Variants in IMMP2L observed in about 807,000 individuals in gnomAD.
IMMP2L encodes the protein inner mitochondrial membrane peptidase subunit 2.
In IMMP2L, 18 loss-of-function variants were observed where a neutral mutation model predicts 19.3. The observed-to-expected ratio is 0.93, with a 90% CI of 0.64 to 1.38. The LOEUF (loss-of-function observed/expected upper bound fraction) is 1.38. Among genes scored for constraint, IMMP2L ranks in the 40% most tolerant of loss-of-function variants. The pLI is 0.00. For missense variants in IMMP2L, 233 were observed against 218.2 expected, an observed-to-expected ratio of 1.07 and a Z score of -0.43; for synonymous variants, 76 against 73.0, an observed-to-expected ratio of 1.04 and a Z score of -0.21.
intron 2 of IMMP2L, among the ~76,000 whole-genome samples, chr7:111,506,533 GA>G (rs1844923427): frequency 6.6e-6 from 1 of 152,152 alleles, no homozygotes; most frequent in African/African-American, 2.4e-5. Context: ...GAGTAGCTGG[GA>G]CTACAGGCAC....
intron 5 of IMMP2L, among the ~76,000 whole-genome samples, chr7:110,823,313 AT>A (rs1803198246): frequency 1.3e-5 from 2 of 152,038 alleles, no homozygotes; most frequent in South Asian, 4.1e-4. Flanking sequence ...TATTATAAAA[AT>A]ATAGTTGCAT....
At chr7:111,509,633 T>C (rs1671605234) in intron 2 of IMMP2L, among the ~76,000 whole-genome samples, 1 of 152,098 alleles carries the variant, frequency 6.6e-6, no homozygotes, top group African/African-American at 2.4e-5. Context: ...ACAATTTAAG[T>C]ATTGTTACAT....
intron 4 of IMMP2L, among the ~76,000 whole-genome samples, chr7:110,887,485 C>T (rs903978718): frequency 6.6e-5 from 10 of 151,346 alleles, no homozygotes; most frequent in Non-Finnish European, 1.0e-4. Context: ...ATGTTTATGC[C>T]TCTTGACTTA....
intron 5 of IMMP2L, among the ~76,000 whole-genome samples, chr7:110,867,428 A>G (rs575130878): frequency 4.3e-4 from 65 of 152,064 alleles, no homozygotes; most frequent in Admixed American, 2.8e-3. Context: ...TTCAGTGCAT[A>G]GCAGTGAGAA....
intron 4 of IMMP2L, among the ~76,000 whole-genome samples, chr7:110,888,794 GGTTT>G (rs1466056701): frequency 1.3e-4 from 19 of 151,882 alleles, no homozygotes; most frequent in Non-Finnish European, 2.1e-4. Flanking sequence ...TACATTTATG[GGTTT>G]GTTTGTTTAT....
chr7:111,300,617 C>T (rs964472103), intron 3 of IMMP2L, among the ~76,000 whole-genome samples: 5 of 152,028 alleles, frequency 3.3e-5, no homozygotes, highest in African/African-American at 7.2e-5. Context: ...AAACTCCTTC[C>T]GCACCCATCC....
chr7:111,369,198 T>C (rs1830059536), intron 3 of IMMP2L, among the ~76,000 whole-genome samples: 1 of 151,930 alleles, frequency 6.6e-6, no homozygotes, highest in South Asian at 2.1e-4. Flanking sequence ...ATTACATATC[T>C]TAGAAGATTT....
chr7:111,212,507 A>T (rs1041070292), intron 3 of IMMP2L, among the ~76,000 whole-genome samples: 1 of 151,802 alleles, frequency 6.6e-6, no homozygotes, highest in Admixed American at 6.6e-5. Context: ...GATGTTCAGG[A>T]GGATGAAGTG....
intron 4 of IMMP2L, among the ~76,000 whole-genome samples, chr7:110,926,182 G>T (rs1483191837): frequency 6.6e-6 from 1 of 151,890 alleles, no homozygotes; most frequent in African/African-American, 2.4e-5. Context: ...GTATATAATT[G>T]TACTGATATA....
chr7:111,149,333 G>A (rs180743467), intron 3 of IMMP2L, among the ~76,000 whole-genome samples: 15 of 152,210 alleles, frequency 9.9e-5, no homozygotes, highest in Admixed American at 9.8e-4. Context: ...AACACTGAAA[G>A]ATTCTTCATG....
intron 4 of IMMP2L, among the ~76,000 whole-genome samples, chr7:110,893,607 A>G (rs896877868): frequency 8.5e-5 from 13 of 152,186 alleles, no homozygotes; most frequent in African/African-American, 3.1e-4. Context: ...TTCAGGGGGT[A>G]CATGTGCAGG....
chr7:111,424,635 A>ATT (rs898507201), intron 3 of IMMP2L, among the ~76,000 whole-genome samples: 1 of 151,826 alleles, frequency 6.6e-6, no homozygotes, highest in African/African-American at 2.4e-5. Flanking sequence ...ACTTAAAACT[A>ATT]TATCTTAAAT....
intron 3 of IMMP2L, among the ~76,000 whole-genome samples, chr7:111,147,242 G>A (rs999327954): frequency 1.3e-5 from 2 of 151,990 alleles, no homozygotes; most frequent in Non-Finnish European, 2.9e-5. Flanking sequence ...TGTTGTTGTT[G>A]TTTTAAATTC....
chr7:111,190,890 G>A (rs927447005), intron 3 of IMMP2L, among the ~76,000 whole-genome samples: 2 of 152,110 alleles, frequency 1.3e-5, no homozygotes, highest in Admixed American at 1.3e-4. Context: ...GGGAAGGAGA[G>A]CTGGTGCCAC....
At chr7:110,872,779 T>C (rs964912464) in intron 5 of IMMP2L, among the ~76,000 whole-genome samples, 4 of 152,186 alleles carry the variant, frequency 2.6e-5, no homozygotes, top group Admixed American at 2.6e-4. Context: ...GCTGACTCTC[T>C]GGATTGAGAA....
intron 2 of IMMP2L, among the ~76,000 whole-genome samples, chr7:111,518,757 A>T (rs1014613581): frequency 6.6e-6 from 1 of 152,152 alleles, no homozygotes; most frequent in Non-Finnish European, 1.5e-5. Context: ...ACTGTAAATT[A>T]AATTATCTAT....
rs574110373 is a variant in IMMP2L, at chr7:110,779,875, A to G, written c.408+106718T>C. ...AATACAGGAGTAAAGTTCCTAGGGA[A>G]CTGCCTAACTAGGAAGTTAGTAAAG... is the stretch of plus-strand genomic sequence containing the variant. On this transcript the variant is annotated intron_variant, in intron 5 of 5. Transcript: ENST00000405709. Among the ~76,000 whole-genome samples, 9 of 151,962 alleles carry G rather than the reference A, an allele frequency of 5.9e-5. No homozygotes were observed. The South Asian group carries it at 1.7e-3, about 28-fold the overall frequency.
intron 4 of IMMP2L, among the ~76,000 whole-genome samples, chr7:110,916,923 A>G (rs1485278782): frequency 6.6e-6 from 1 of 152,196 alleles, no homozygotes; most frequent in Admixed American, 6.5e-5. Flanking sequence ...TGCAGTTGGT[A>G]TAGTGGTCCC....
At chr7:111,507,576 C>G (rs1751938279) in intron 2 of IMMP2L, among the ~76,000 whole-genome samples, 1 of 152,118 alleles carries the variant, frequency 6.6e-6, no homozygotes. Flanking sequence ...TCTGCCAACA[C>G]TCCCCTCACC....
Sources: gnomAD v4.1 joint callset for allele counts (sites outside exome capture counted in the v4.1 genomes callset) on GRCh38, gnomAD v4.1.1 for gene constraint, MANE v1.5 for transcripts, NCBI Gene and HGNC (gene_info 2026-07-23, HGNC 2026-07-21) for gene names.